AQP9: variants seen among roughly 807,000 people sequenced by gnomAD.
The protein encoded by AQP9 is aquaporin 9, also known as aquaporin-9.
Under a neutral mutation model 23.8 loss-of-function variants are expected in AQP9, and 19 were observed. The ratio of observed to expected loss-of-function variants is 0.80; its 90% CI spans 0.56 to 1.17. AQP9 has a LOEUF of 1.17. Among genes scored for constraint, AQP9 ranks in the 50% most tolerant of loss-of-function variants. The pLI, the probability that AQP9 is intolerant of heterozygous loss-of-function variation, is 0.00. For missense variants in AQP9, 413 were observed against 362.0 expected (o/e 1.14, Z -1.14); for synonymous variants, 153 against 131.5 (o/e 1.16, Z -1.12).
chr15:58,142,759 T>G (rs898263965), intron 1 of AQP9, among the ~76,000 whole-genome samples: 8 of 152,172 alleles, frequency 5.3e-5, no homozygotes, highest in African/African-American at 1.9e-4. Context: ...AGCCACCTAT[T>G]CTTTCTCTGT....
At chr15:58,151,574 TCACCCCCACAGAAAAAACTCTGTAATA>T (rs1346306835) in intron 1 of AQP9, 1 of 151,864 alleles carries the variant, frequency 6.6e-6, no homozygotes, top group African/African-American at 2.4e-5. Flanking sequence ...TTCCAATGAG[TCACCCCCACAGAAAAAACTCTGTAATA>T]GTTCTCTTCC....
At chr15:58,179,892 CAGG>C (rs1898844477) in intron 5 of AQP9, among the ~76,000 whole-genome samples, 1 of 152,156 alleles carries the variant, frequency 6.6e-6, no homozygotes, top group African/African-American at 2.4e-5. Context: ...AAAAGTGCTG[CAGG>C]AACACAGATA....
chr15:58,179,235 T>C lies in AQP9; in HGVS notation c.603T>C (p.Ile201=). The C allele has an allele frequency of 6.2e-7, 1 of 1,614,166 alleles. No homozygotes were observed. The highest frequency in any genetic ancestry group is 1.1e-5 in the South Asian group (1 of 91,090). ...CCATTGCCATCGGCCTCCTGATTAT[T>C]GTCATTGCTTCCTCCCTGGGACTGA... The part of the protein sequence containing the change: ...LEPIAIGLLI[I]VIASSLGLNS... Residue 201 remains isoleucine (I), a synonymous_variant, in exon 5 of 6, where the codon ATT becomes ATC. Transcript: ENST00000219919.
chr15:58,182,030 A>G (rs1408669002), intron 5 of AQP9, among the ~76,000 whole-genome samples: 1 of 152,142 alleles, frequency 6.6e-6, no homozygotes, highest in East Asian at 1.9e-4. Context: ...CCAGGTCCCC[A>G]TGTACTCCTG....
At chr15:58,165,106 T>C (rs1898470636) in intron 1 of AQP9, among the ~76,000 whole-genome samples, 1 of 152,148 alleles carries the variant, frequency 6.6e-6, no homozygotes, top group Admixed American at 6.5e-5. Flanking sequence ...CTCAAGTTAA[T>C]TGCTCTTTTT....
intron 1 of AQP9, among the ~76,000 whole-genome samples, chr15:58,149,116 G>A (rs1025236177): frequency 2.0e-5 from 3 of 152,164 alleles, no homozygotes; most frequent in Admixed American, 2.0e-4. Context: ...GGAAAGCTGT[G>A]CATAAATCTG....
chr15:58,180,127 A>G (rs1898849532), intron 5 of AQP9, among the ~76,000 whole-genome samples: 1 of 152,138 alleles, frequency 6.6e-6, no homozygotes, highest in African/African-American at 2.4e-5. Context: ...CCCCTTCACT[A>G]CTTCCTGGTT....
At chr15:58,173,328 T>C in intron 3 of AQP9, 123 bp downstream of exon 3, 5 of 1,407,816 alleles carry the variant, frequency 3.6e-6, no homozygotes, top group Non-Finnish European at 4.8e-6. Flanking sequence ...TGACAGCAAG[T>C]TCTAAATTTG....
chr15:58,150,212 C>A (rs1181729749), intron 1 of AQP9: 1 of 152,630 alleles, frequency 6.6e-6, no homozygotes, highest in East Asian at 1.9e-4. Context: ...TGGCCTTACC[C>A]CATTCTTGCA....
chr15:58,138,315 G>T (rs765229101), upstream of AQP9: 2 of 364,458 alleles, frequency 5.5e-6, no homozygotes, highest in Non-Finnish European at 1.0e-5. Context: ...AAAAGGGATT[G>T]TTTTGGGGAT....
At chr15:58,148,510 G>A (rs767313742) in intron 1 of AQP9, among the ~76,000 whole-genome samples, 7 of 152,222 alleles carry the variant, frequency 4.6e-5, no homozygotes, top group Non-Finnish European at 1.0e-4. Context: ...GGTTGAGAGT[G>A]ACAAGAGGCG....
At chr15:58,161,437 C>T (rs1459866789) in intron 1 of AQP9, among the ~76,000 whole-genome samples, 6 of 152,088 alleles carry the variant, frequency 3.9e-5, no homozygotes, top group Non-Finnish European at 5.9e-5. Flanking sequence ...TGCTTTCCTA[C>T]AAAAAGCACT....
intron 1 of AQP9, chr15:58,151,552 C>A (rs1163626281): frequency 6.6e-6 from 1 of 151,984 alleles, no homozygotes; most frequent in Non-Finnish European, 1.5e-5. Context: ...TTCTAGCAAG[C>A]CAACATCACC....
chr15:58,155,911 C>T (rs1330417323), intron 1 of AQP9: 1 of 152,146 alleles, frequency 6.6e-6, no homozygotes, highest in African/African-American at 2.4e-5. Flanking sequence ...GCATAGTATT[C>T]CGTCCACTAG....
At chr15:58,182,976 T>C (rs1898926444) in intron 5 of AQP9, among the ~76,000 whole-genome samples, 1 of 152,210 alleles carries the variant, frequency 6.6e-6, no homozygotes, top group Non-Finnish European at 1.5e-5. Context: ...TCCTTTATCG[T>C]TCTTTCTAAT....
In AQP9 at chr15:58,160,822, C is replaced by G. The variant is rs868645027; in HGVS notation, c.112-5851C>G. Among the ~76,000 whole-genome samples the G allele has an allele frequency of 2.6e-5, 4 of 152,122 alleles. No homozygotes were observed. In the South Asian group the frequency reaches 6.2e-4, roughly 24 times the overall value. ...TAGAGAAAGCAGGATTTCAGCTCAT[C>G]ATTAAGAATAGATTGGGTTTAGTTG... On this transcript the variant is annotated intron_variant, in intron 1 of 5. Transcript: ENST00000219919.
In AQP9 at chr15:58,156,617, C is replaced by T. The variant is rs576345492; in HGVS notation, c.112-10056C>T. Among the ~76,000 whole-genome samples the T allele has an allele frequency of 2.6e-5, 4 of 152,278 alleles. No homozygotes were observed. In the South Asian group the frequency reaches 8.3e-4, roughly 32 times the overall value. On this transcript the variant is annotated intron_variant, in intron 1 of 5. Coordinates refer to ENST00000219919, the MANE Select transcript of AQP9 (RefSeq NM_020980.5). ...AGACTGGGCAGGAAAACTGCAATCC[C>T]CTGTAAATAGCATGCAGTTTATATA... is the stretch of plus-strand genomic sequence containing the variant.
At chr15:58,175,343 T>G (rs1310172278) in intron 4 of AQP9, among the ~76,000 whole-genome samples, 4 of 152,260 alleles carry the variant, frequency 2.6e-5, no homozygotes, top group Non-Finnish European at 5.9e-5. Context: ...CACTATTGAC[T>G]CTTTTGAACA....
At chr15:58,177,421 G>A (rs556646335) in intron 4 of AQP9, among the ~76,000 whole-genome samples, 48 of 152,300 alleles carry the variant, frequency 3.2e-4, no homozygotes, top group African/African-American at 1.1e-3. Flanking sequence ...CCCAGAGGAG[G>A]GAGCTTTTAC....
Sources: gnomAD v4.1 joint callset for allele counts (sites outside exome capture counted in the v4.1 genomes callset) on GRCh38, gnomAD v4.1.1 for gene constraint, MANE v1.5 for transcripts, NCBI Gene and HGNC (gene_info 2026-07-23, HGNC 2026-07-21) for gene names.